Variants in CPED1 observed in about 807,000 individuals in gnomAD.
CPED1 encodes the protein cadherin-like and PC-esterase domain-containing protein 1.
CPED1 carries 114 observed loss-of-function variants against 128.2 expected under a neutral mutation model. That is an observed-to-expected ratio of 0.89 (90% CI 0.76 to 1.04). The LOEUF (loss-of-function observed/expected upper bound fraction) is 1.04, where lower values mean the gene tolerates loss of function less well. Ranked by LOEUF, CPED1 falls within the 50% of genes least tolerant of loss-of-function variation. The probability of loss-of-function intolerance (pLI) is 0.00; values close to 1 mark genes in which losing one functional copy is unlikely to be tolerated. For missense variants in CPED1, 1,211 were observed against 1,207.1 expected, an observed-to-expected ratio of 1.00 and a Z score of -0.05; for synonymous variants, 462 against 426.7, an observed-to-expected ratio of 1.08 and a Z score of -1.02.
At chr7:121,149,280 AC>A (rs10712111) in intron 16 of CPED1, among the ~76,000 whole-genome samples, 50,500 of 152,000 alleles carry the variant, frequency 0.33, 8,805 homozygotes, top group Middle Eastern at 0.49. Flanking sequence ...AAGCATTTGC[AC>A]ACATCCAAGG....
At chr7:121,279,258 A>T (rs1541507) in intron 22 of CPED1, among the ~76,000 whole-genome samples, 35,669 of 151,220 alleles carry the variant, frequency 0.24, 4,848 homozygotes, top group Non-Finnish European at 0.32. Context: ...ACTTTTCCTT[A>T]TTTTTTTTAT....
chr7:121,163,458 G>A (rs757535020), intron 16 of CPED1, among the ~76,000 whole-genome samples: 6 of 152,144 alleles, frequency 3.9e-5, no homozygotes, highest in Non-Finnish European at 8.8e-5. Flanking sequence ...GTACCACCCC[G>A]ACTCCCACTG....
intron 5 of CPED1, among the ~76,000 whole-genome samples, chr7:121,067,759 C>A (rs1407636126): frequency 6.6e-6 from 1 of 152,062 alleles, no homozygotes; most frequent in Non-Finnish European, 1.5e-5. Context: ...ATTTCTCCAC[C>A]TCCTCTCTAG....
chr7:121,172,700 A>AGATAGATAGATAGATG (rs1584567880), intron 16 of CPED1, among the ~76,000 whole-genome samples: 1 of 151,592 alleles, frequency 6.6e-6, no homozygotes, highest in African/African-American at 2.4e-5. Flanking sequence ...ATAGATAGAT[A>AGATAGATAGATAGATG]GATGTATTAG....
chr7:121,162,577 C>G (rs887752438), intron 16 of CPED1, among the ~76,000 whole-genome samples: 1 of 152,116 alleles, frequency 6.6e-6, no homozygotes, highest in African/African-American at 2.4e-5. Flanking sequence ...TTCAAAAAAA[C>G]CTACTTTGAT....
intron 18 of CPED1, among the ~76,000 whole-genome samples, chr7:121,245,702 A>ATT (rs763119181): frequency 2.8e-4 from 40 of 140,886 alleles, no homozygotes; most frequent in African/African-American, 6.2e-4. Flanking sequence ...CTCCACAGGC[A>ATT]TTTTTTTTTT....
intron 2 of CPED1, among the ~76,000 whole-genome samples, chr7:120,995,152 C>G (rs1796375857): frequency 6.6e-6 from 1 of 152,238 alleles, no homozygotes; most frequent in African/African-American, 2.4e-5. Flanking sequence ...TTCAGAGAAA[C>G]TGTAACTGGT....
intron 16 of CPED1, among the ~76,000 whole-genome samples, chr7:121,236,312 T>G (rs181505746): frequency 2.6e-5 from 4 of 152,164 alleles, no homozygotes; most frequent in African/African-American, 7.2e-5. Context: ...GAATTCTTAA[T>G]AAAAGTTTGT....
intron 16 of CPED1, among the ~76,000 whole-genome samples, chr7:121,158,336 T>G (rs955443777): frequency 2.0e-5 from 3 of 152,146 alleles, no homozygotes; most frequent in Non-Finnish European, 2.9e-5. Context: ...ACATCCTCTT[T>G]CCCATGCTAA....
chr7:121,257,219 T>A (rs1791905305), intron 18 of CPED1, among the ~76,000 whole-genome samples: 1 of 151,738 alleles, frequency 6.6e-6, no homozygotes, highest in Non-Finnish European at 1.5e-5. Context: ...GCAATAAAAG[T>A]TGAAGTTTGG....
chr7:121,082,964 A>G lies in CPED1; in HGVS notation c.617-14735A>G, dbSNP rs1371971338. 2.6e-5 allele frequency among the ~76,000 whole-genome samples: 4 copies of G among 152,216 alleles called. No individual in the cohort carries two copies. The East Asian group carries it at 7.7e-4, about 29-fold the overall frequency. ...TTCTTATTTATAATAATATTTATGC[A>G]TAAGCAGAAGTTAAGTGAATGTGCT... On this transcript the variant is annotated intron_variant, in intron 5 of 22. Transcript: ENST00000310396.
At chr7:121,268,000 ATCT>A (rs1370850835) in intron 21 of CPED1, among the ~76,000 whole-genome samples, 1 of 151,200 alleles carries the variant, frequency 6.6e-6, no homozygotes, top group Non-Finnish European at 1.5e-5. Flanking sequence ...TGGACAGCAG[ATCT>A]TCTGTGATGC....
chr7:121,136,570 T>C (rs1795790243), intron 14 of CPED1, among the ~76,000 whole-genome samples: 1 of 152,184 alleles, frequency 6.6e-6, no homozygotes, highest in Non-Finnish European at 1.5e-5. Flanking sequence ...CGTAAGTACT[T>C]TTAAGTTTGT....
chr7:121,216,953 C>T (rs1275648513), intron 16 of CPED1, among the ~76,000 whole-genome samples: 3 of 151,936 alleles, frequency 2.0e-5, no homozygotes, highest in Non-Finnish European at 4.4e-5. Context: ...TTAGCTGTTA[C>T]GCTTTTGAAT....
intron 7 of CPED1, among the ~76,000 whole-genome samples, chr7:121,102,316 G>C (rs1022510455): frequency 1.3e-5 from 2 of 151,904 alleles, no homozygotes; most frequent in African/African-American, 4.8e-5. Flanking sequence ...TCTCTATTTT[G>C]TCCTTTGAGC....
chr7:121,118,557 TA>T (rs34002082), intron 7 of CPED1, among the ~76,000 whole-genome samples: 54,943 of 114,842 alleles, frequency 0.48, 11,886 homozygotes, highest in East Asian at 0.82. Flanking sequence ...AGACTCTGTC[TA>T]AAAAAAAAAA....
chr7:120,991,025 C>T (rs1408786788), intron 2 of CPED1, among the ~76,000 whole-genome samples: 3 of 152,180 alleles, frequency 2.0e-5, no homozygotes, highest in Non-Finnish European at 4.4e-5. Flanking sequence ...GATGCATCCC[C>T]AGAGCAATAG....
rs1777477799 is a variant in CPED1 at position 121,230,859 on chromosome 7, C to A, written c.2056-5855C>A. Among the ~76,000 whole-genome samples, 3 of 151,992 alleles carry A rather than the reference C, an allele frequency of 2.0e-5. No homozygotes were observed. In the South Asian group the frequency reaches 6.2e-4, roughly 32 times the overall value. ...GTTATTAGTGTTCTCTTTAGGAGAG[C>A]AAAACAAGGAAAAGCAAGATCAGAG... is the stretch of plus-strand genomic sequence containing the variant. On this transcript the variant is annotated intron_variant, in intron 16 of 22. Coordinates refer to ENST00000310396, the MANE Select transcript of CPED1 (RefSeq NM_024913.5).
chr7:121,035,361 T>G (rs768504207), intron 3 of CPED1, among the ~76,000 whole-genome samples: 3 of 152,210 alleles, frequency 2.0e-5, no homozygotes, highest in Admixed American at 6.5e-5. Flanking sequence ...GCAGAGATGA[T>G]ATCTTAGATT....
Sources: gnomAD v4.1 joint callset for allele counts (sites outside exome capture counted in the v4.1 genomes callset) on GRCh38, gnomAD v4.1.1 for gene constraint, MANE v1.5 for transcripts, NCBI Gene and HGNC (gene_info 2026-07-23, HGNC 2026-07-21) for gene names.